UBXN8: variants seen among roughly 807,000 people sequenced by gnomAD.
UBXN8 encodes UBX domain protein 8, also known as UBX domain-containing protein 8.
A neutral mutation model predicts 32.1 loss-of-function variants in UBXN8; 27 were observed. That is an observed-to-expected ratio of 0.84 (90% confidence interval 0.62 to 1.16). The LOEUF is 1.16. Ranked by LOEUF, UBXN8 falls within the 50% of genes most tolerant of loss-of-function variation. The probability of loss-of-function intolerance (pLI) is 0.00; values close to 1 mark genes in which losing one functional copy is unlikely to be tolerated. For missense variants in UBXN8, 306 were observed against 311.4 expected (o/e 0.98, Z 0.13); for synonymous variants, 109 against 111.8 (o/e 0.98, Z 0.16).
chr8:30,747,014 G>C (rs1415860556), intron 1 of UBXN8, among the ~76,000 whole-genome samples: 1 of 138,398 alleles, frequency 7.2e-6, no homozygotes, highest in Non-Finnish European at 1.6e-5. Context: ...AATTAGCGGA[G>C]CATGGTGGCG....
At chr8:30,729,699 G>A (rs1051427352), upstream of UBXN8, among the ~76,000 whole-genome samples, 3 of 151,798 alleles carry the variant, frequency 2.0e-5, no homozygotes, top group Admixed American at 6.6e-5. Context: ...ATTTAATGGC[G>A]ACTATGGGGT....
At chr8:30,751,035 T>C (rs1196312769) in intron 1 of UBXN8, among the ~76,000 whole-genome samples, 3 of 152,164 alleles carry the variant, frequency 2.0e-5, no homozygotes, top group Non-Finnish European at 4.4e-5. Flanking sequence ...CACTGTGCCA[T>C]TTTATATCAG....
In UBXN8 at chr8:30,744,167, C is replaced by T. The variant is rs4262290; in HGVS notation, c.-23C>T. 6.2e-7 allele frequency: 1 copy of T among 1,608,044 alleles called. No individual in the cohort carries two copies. The highest frequency in any genetic ancestry group is 8.5e-7 in the Non-Finnish European group (1 of 1,177,204). On this transcript the variant is annotated 5_prime_UTR_variant, in exon 1 of 8. Transcript: ENST00000265616. ...CGGCCGGAAGGGGCGGGCTTTCCGC[C>T]TGCACCAGGCGCTTCCGCCACCATG...
chr8:30,733,402 CTG>C (rs1805010833), intron 1 of UBXN8: 1 of 152,188 alleles, frequency 6.6e-6, no homozygotes, highest in Non-Finnish European at 1.5e-5. Context: ...CTATTGAACT[CTG>C]GGGGAAAAGA....
chr8:30,758,890 T>TTTG (rs1563564609), intron 5 of UBXN8, among the ~76,000 whole-genome samples: 1 of 131,072 alleles, frequency 7.6e-6, no homozygotes, highest in Non-Finnish European at 1.6e-5. Context: ...TGTTTGTTTT[T>TTTG]TTTGTTTTTT....
chr8:30,758,142 C>T (rs1051567330), intron 5 of UBXN8, among the ~76,000 whole-genome samples: 3 of 152,246 alleles, frequency 2.0e-5, no homozygotes, highest in South Asian at 4.1e-4. Context: ...GTGATCCGCC[C>T]GCCTTGGCCT....
chr8:30,760,986 A>C, intron 6 of UBXN8, 57 bp downstream of exon 6: 1 of 1,229,360 alleles, frequency 8.1e-7, no homozygotes, highest in South Asian at 1.4e-5. Context: ...TTTGCTTAAC[A>C]TCCATTAAAT....
chr8:30,731,479 G>C (rs915526446), upstream of UBXN8, among the ~76,000 whole-genome samples: 1 of 152,174 alleles, frequency 6.6e-6, no homozygotes, highest in African/African-American at 2.4e-5. Context: ...CCTTGCCCTT[G>C]TTGAGAAGGG....
chr8:30,756,762 C>G lies in UBXN8; in HGVS notation c.406-3C>G. On this transcript the variant is annotated splice_polypyrimidine_tract_variant and splice_region_variant and intron_variant, in intron 4 of 7. Transcript: ENST00000265616. ...TTAGAAATTGTCTGTTGTGTTTGAC[C>G]AGGGTGATGAAGGTACAAGTCAGAC... 6.2e-7 allele frequency: 1 copy of G among 1,613,704 alleles called. No individual in the cohort carries two copies. The highest frequency in any genetic ancestry group is 8.5e-7 in the Non-Finnish European group (1 of 1,179,740).
At position 30,747,115 on chromosome 8, in the gene UBXN8, A is replaced by G. The variant is rs368490451; in HGVS notation, c.88+2838A>G. ...GGTTGCAGTGAGCCGAGATCACACC[A>G]CTGCACTCCAGCCTGGCAACAGAGT... On this transcript the variant is annotated intron_variant, in intron 1 of 7. Coordinates refer to ENST00000265616, the MANE Select transcript of UBXN8 (RefSeq NM_005671.4). 8.4e-4 allele frequency among the ~76,000 whole-genome samples: 116 copies of G among 138,510 alleles called. 19 individuals are homozygous for G. The South Asian group carries it at 0.021, about 25-fold the overall frequency. 90.9% of individuals were successfully genotyped at this position (138,510 alleles called of 152,430 possible).
chr8:30,743,741 C>G (rs1195061182), upstream of UBXN8, among the ~76,000 whole-genome samples: 1 of 152,200 alleles, frequency 6.6e-6, no homozygotes, highest in African/African-American at 2.4e-5. Context: ...GGCCAGGAAC[C>G]AGGAACCGTT....
At chr8:30,749,820 T>C (rs1805471306) in intron 1 of UBXN8, among the ~76,000 whole-genome samples, 1 of 152,064 alleles carries the variant, frequency 6.6e-6, no homozygotes, top group South Asian at 2.1e-4. Context: ...ATAGCCAGGA[T>C]GGTCTGGATC....
chr8:30,745,030 A>C (rs1805327976), intron 1 of UBXN8, among the ~76,000 whole-genome samples: 1 of 152,182 alleles, frequency 6.6e-6, no homozygotes, highest in South Asian at 2.1e-4. Flanking sequence ...TTTACAGTTG[A>C]GGGAACTAAA....
upstream of UBXN8, among the ~76,000 whole-genome samples, chr8:30,742,491 C>A (rs1805230041): frequency 6.6e-6 from 1 of 152,160 alleles, no homozygotes; most frequent in Non-Finnish European, 1.5e-5. Flanking sequence ...GCTGGGAGCA[C>A]AGGCTACGCC....
rs377131797 is a variant in UBXN8, at chr8:30,750,343, G to A, written c.89-1053G>A. 5.3e-5 allele frequency among the ~76,000 whole-genome samples: 8 copies of A among 152,190 alleles called. No homozygotes were observed. The South Asian group carries it at 8.3e-4, about 16-fold the overall frequency. The stretch of plus-strand genomic sequence containing the variant: ...AGAAATTAGCCGGGTGTGGTGGTAC[G>A]TGCCTGTAGTCCCAGCTACTTGGGG... On this transcript the variant is annotated intron_variant, in intron 1 of 7. Transcript: ENST00000265616.
upstream of UBXN8, among the ~76,000 whole-genome samples, chr8:30,741,505 G>A (rs140579771): frequency 4.7e-3 from 578 of 123,958 alleles, 3 homozygotes; most frequent in African/African-American, 0.018. Flanking sequence ...TGCCCAGGCT[G>A]GAGTACAGTG....
At chr8:30,745,634 A>G (rs1170705591) in intron 1 of UBXN8, among the ~76,000 whole-genome samples, 1 of 152,230 alleles carries the variant, frequency 6.6e-6, no homozygotes, top group Non-Finnish European at 1.5e-5. Flanking sequence ...CACTCACTCA[A>G]GCTGTGTTGG....
chr8:30,732,272 C>G (rs200614036), upstream of UBXN8: 1 of 397,154 alleles, frequency 2.5e-6, no homozygotes, highest in East Asian at 3.6e-5. Context: ...CACCCCACGG[C>G]AGTCGGGTGC....
chr8:30,754,353 G>A (rs1389783088), intron 3 of UBXN8: 1 of 435,036 alleles, frequency 2.3e-6, no homozygotes, highest in South Asian at 1.9e-5. Context: ...TTGCCATACC[G>A]GCATTCAATT....
Sources: gnomAD v4.1 joint callset for allele counts (sites outside exome capture counted in the v4.1 genomes callset) on GRCh38, gnomAD v4.1.1 for gene constraint, MANE v1.5 for transcripts, NCBI Gene and HGNC (gene_info 2026-07-23, HGNC 2026-07-21) for gene names.